Variants in SLIT3 observed in about 807,000 individuals in gnomAD.
The protein encoded by SLIT3 is slit guidance ligand 3, also known as slit homolog 3 protein.
Under a neutral mutation model 184.0 loss-of-function variants are expected in SLIT3, and 68 were observed. The observed-to-expected ratio is 0.37, with a 90% CI of 0.30 to 0.45. SLIT3 has a LOEUF of 0.45. Ranked by LOEUF, SLIT3 falls within the 20% of genes least tolerant of loss-of-function variation. The pLI is 1.00. For missense variants in SLIT3, 1,707 were observed against 2,026.0 expected, an observed-to-expected ratio of 0.84 and a Z score of 3.02; for synonymous variants, 831 against 828.6, an observed-to-expected ratio of 1.00 and a Z score of -0.05.
chr5:168,925,194 T>C (rs1022757253), intron 4 of SLIT3, among the ~76,000 whole-genome samples: 5 of 152,208 alleles, frequency 3.3e-5, no homozygotes, highest in Non-Finnish European at 5.9e-5. Context: ...AAAGACAAAC[T>C]TGTACATGCT....
chr5:168,915,588 T>G (rs537561585), intron 4 of SLIT3, among the ~76,000 whole-genome samples: 2 of 152,328 alleles, frequency 1.3e-5, no homozygotes, highest in Non-Finnish European at 1.5e-5. Flanking sequence ...TATGCGAACA[T>G]ATCCAAAATA....
At chr5:169,007,385 G>A (rs1755975135) in intron 4 of SLIT3, among the ~76,000 whole-genome samples, 1 of 152,152 alleles carries the variant, frequency 6.6e-6, no homozygotes, top group Admixed American at 6.5e-5. Flanking sequence ...GACAATTCCA[G>A]GGGCTCTGCC....
rs1765525282 is a variant in SLIT3, at chr5:169,244,690, C to T, written c.341+15G>A. ...TAAATAAATACTTTAAGAAAGGAGG[C>T]TGTACTGTACTTACAGTCGCTCTAG... On this transcript the variant is annotated intron_variant, in intron 3 of 35. Coordinates refer to ENST00000519560, the MANE Select transcript of SLIT3 (RefSeq NM_003062.4). 1 of 1,604,640 alleles carries T rather than the reference C, an allele frequency of 6.2e-7. No homozygotes were observed. The highest frequency in any genetic ancestry group is 1.1e-5 in the South Asian group (1 of 90,882).
intron 26 of SLIT3, 146 bp downstream of exon 26, chr5:168,707,830 C>A: frequency 1.1e-6 from 1 of 928,762 alleles, no homozygotes; most frequent in Non-Finnish European, 1.6e-6. Context: ...GCAAATGCTG[C>A]TTTGGAGTGG....
chr5:169,105,499 C>A (rs898695394), intron 4 of SLIT3, among the ~76,000 whole-genome samples: 1 of 152,188 alleles, frequency 6.6e-6, no homozygotes, highest in Non-Finnish European at 1.5e-5. Flanking sequence ...TCCAAAGTCA[C>A]GCCAAGCGTT....
chr5:168,702,414 A>G (rs1489725151), intron 26 of SLIT3, among the ~76,000 whole-genome samples: 2 of 152,154 alleles, frequency 1.3e-5, no homozygotes, highest in African/African-American at 4.8e-5. Flanking sequence ...GAACCCAGGC[A>G]TCCAGCCCAA....
intron 4 of SLIT3, among the ~76,000 whole-genome samples, chr5:168,931,678 C>G (rs1017725841): frequency 6.6e-6 from 1 of 152,186 alleles, no homozygotes; most frequent in East Asian, 1.9e-4. Context: ...GCAGGCCCAG[C>G]CTCCCAGCTT....
rs1760861958 is a variant in SLIT3, at chr5:168,661,788, C to A, written c.*4666G>T. 6.6e-6 allele frequency: 1 copy of A among 152,048 alleles called. No individual in the cohort carries two copies. Among genetic ancestry groups the A allele is most frequent in the Non-Finnish European group, 1.5e-5 (1 of 68,026 alleles). The allele number at this position is 152,048 out of a possible 1,614,324, so 9.4% of individuals were successfully genotyped here. ...ATCTGATAGCTCCTCTGTGACTCAT[C>A]CATTTATTTTAATGACATCTGAATA... On this transcript the variant is annotated 3_prime_UTR_variant, in exon 36 of 36. Coordinates refer to ENST00000519560, the MANE Select transcript of SLIT3 (RefSeq NM_003062.4).
intron 4 of SLIT3, among the ~76,000 whole-genome samples, chr5:169,006,605 TCACACACACACA>T (rs372485234): frequency 3.4e-5 from 5 of 145,882 alleles, no homozygotes; most frequent in Admixed American, 2.8e-4. Context: ...TCTCTCTCTC[TCACACACACACA>T]CACACACACA....
intron 9 of SLIT3, among the ~76,000 whole-genome samples, chr5:168,796,643 G>A (rs909488992): frequency 3.3e-5 from 5 of 152,142 alleles, no homozygotes; most frequent in Admixed American, 1.3e-4. Context: ...GGGCTTCCTT[G>A]AAGCCTACAG....
chr5:169,113,227 C>T (rs2137139), intron 4 of SLIT3, among the ~76,000 whole-genome samples: 1 of 151,940 alleles, frequency 6.6e-6, no homozygotes, highest in African/African-American at 2.4e-5. Context: ...CCTCATTTGC[C>T]CTTCCCTACC....
chr5:168,822,894 T>G (rs979182474), intron 7 of SLIT3, among the ~76,000 whole-genome samples: 1 of 152,210 alleles, frequency 6.6e-6, no homozygotes, highest in Non-Finnish European at 1.5e-5. Flanking sequence ...TGACATTAGC[T>G]AAGCAAATGG....
intron 3 of SLIT3, among the ~76,000 whole-genome samples, chr5:169,232,882 A>G (rs943281494): frequency 6.6e-6 from 1 of 152,200 alleles, no homozygotes; most frequent in African/African-American, 2.4e-5. Flanking sequence ...CCATATTTGC[A>G]ATGTTAAGTA....
intron 5 of SLIT3, among the ~76,000 whole-genome samples, chr5:168,872,482 G>C (rs1442545853): frequency 6.6e-6 from 1 of 152,020 alleles, no homozygotes; most frequent in Non-Finnish European, 1.5e-5. Flanking sequence ...AAGAGAAACT[G>C]TATGGTTGTG....
At chr5:168,674,341 C>T (rs1761342798) in intron 32 of SLIT3, among the ~76,000 whole-genome samples, 1 of 152,072 alleles carries the variant, frequency 6.6e-6, no homozygotes, top group Admixed American at 6.6e-5. Context: ...CTCCAAAAGC[C>T]CACACTTTTT....
intron 14 of SLIT3, among the ~76,000 whole-genome samples, chr5:168,763,478 CT>C (rs1755229480): frequency 6.6e-6 from 1 of 152,056 alleles, no homozygotes; most frequent in Non-Finnish European, 1.5e-5. Flanking sequence ...GATTTGGCCT[CT>C]GTTTTTCAGA....
At chr5:168,878,100 C>T (rs992042067) in intron 5 of SLIT3, among the ~76,000 whole-genome samples, 1 of 152,196 alleles carries the variant, frequency 6.6e-6, no homozygotes, top group African/African-American at 2.4e-5. Flanking sequence ...GGTCTCTCTA[C>T]AGGACAGTCT....
At chr5:168,844,330 T>C (rs145034260) in intron 6 of SLIT3, among the ~76,000 whole-genome samples, 20 of 152,178 alleles carry the variant, frequency 1.3e-4, no homozygotes, top group Admixed American at 2.0e-4. Context: ...AAAGACTCAA[T>C]TGAGACTTAA....
intron 3 of SLIT3, among the ~76,000 whole-genome samples, chr5:169,208,433 C>T (rs1307604623): frequency 6.6e-6 from 1 of 152,032 alleles, no homozygotes; most frequent in Non-Finnish European, 1.5e-5. Flanking sequence ...GAGTTCACTA[C>T]TTTAAATTTC....
Sources: allele counts gnomAD v4.1 joint callset (sites outside exome capture counted in the v4.1 genomes callset), GRCh38; gene constraint gnomAD v4.1.1; transcripts MANE v1.5; gene names NCBI Gene and HGNC (gene_info 2026-07-23, HGNC 2026-07-21).